PIEZO1: variants seen among roughly 807,000 people sequenced by gnomAD.
PIEZO1 encodes piezo-type mechanosensitive ion channel component 1.
Under a neutral mutation model 297.2 loss-of-function variants are expected in PIEZO1, and 296 were observed. The ratio of observed to expected loss-of-function variants is 1.00; its 90% confidence interval spans 0.91 to 1.10. PIEZO1 has a LOEUF of 1.10. PIEZO1 is among the 50% of genes least tolerant of loss of function. The pLI, the probability that PIEZO1 is intolerant of heterozygous loss-of-function variation, is 0.00. For missense variants in PIEZO1, 5,018 were observed against 3,455.5 expected, an observed-to-expected ratio of 1.45 and a Z score of -11.34; for synonymous variants, 2,427 against 1,507.5, an observed-to-expected ratio of 1.61 and a Z score of -14.13.
At chr16:88,717,788 A>G (rs1343541670) in intron 44 of PIEZO1, 1 of 451,182 alleles carries the variant, frequency 2.2e-6, no homozygotes, top group Non-Finnish European at 4.4e-6. Flanking sequence ...CTTCCAATTC[A>G]GTCATTTCTA....
chr16:88,716,590 TGTC>T lies in PIEZO1; in HGVS notation c.6892_6894del (p.Asp2298del). On this transcript the variant is annotated inframe_deletion, in exon 47 of 51. Transcript: ENST00000301015. ...AAGTTCCAGGTGAAGCGCAGGGTGATGTCGGCCGTGCCGTTGTAGAGCTCCCGC... is the reference window on the plus strand; with the variant it reads ...AAGTTCCAGGTGAAGCGCAGGGTGATGGCCGTGCCGTTGTAGAGCTCCCGC... 1 of 1,547,830 alleles carries T rather than the reference TGTC, an allele frequency of 6.5e-7. No individual in the cohort carries two copies. Among genetic ancestry groups the T allele is most frequent in the Non-Finnish European group, 8.7e-7 (1 of 1,145,444 alleles).
Position 88,726,547 on chromosome 16 carries a change from G to T in PIEZO1, c.3796C>A (p.Pro1266Thr), listed in dbSNP as rs533490181. The change falls in exon 26 of 51, where the codon CCC becomes ACC. Residue 1266 changes from proline to threonine, a missense_variant and splice_region_variant. Transcript: ENST00000301015. ...LVCTVKGYYD[P>T]KEMMDRDQDC... is the part of the protein sequence containing the mutation. The stretch of plus-strand genomic sequence containing the variant: ...CCCCGCCACCGTCCTGGCCACTCAC[G>T]GTCATAGTAGCCCTTGACGGTGCAT... 2.5e-5 allele frequency: 39 copies of T among 1,549,160 alleles called. No homozygotes were observed. The Middle Eastern group carries it at 1.0e-3, about 40-fold the overall frequency.
chr16:88,723,017 A>C lies in PIEZO1; in HGVS notation c.4496-8T>G, dbSNP rs1276959926. On this transcript the variant is annotated splice_polypyrimidine_tract_variant and splice_region_variant and intron_variant, in intron 33 of 50. Coordinates refer to ENST00000301015, the MANE Select transcript of PIEZO1 (RefSeq NM_001142864.4). ...GCACCACATGGCTCCGGCCTGCGGG[A>C]GGGCGGGAGGGGGCGCTGGAGGGGC... The C allele has an allele frequency of 8.9e-5, 74 of 835,486 alleles. No individual in the cohort carries two copies. Among genetic ancestry groups the C allele is most frequent in the Non-Finnish European group, 1.2e-4 (69 of 563,336 alleles). 51.8% of individuals were successfully genotyped at this position (835,486 alleles called of 1,614,324 possible).
chr16:88,726,078 G>A, intron 27 of PIEZO1: 1 of 591,758 alleles, frequency 1.7e-6, no homozygotes, highest in East Asian at 2.8e-5. Context: ...TGCAGCCTGT[G>A]GTCTCTGACA....
chr16:88,720,716 C>A lies in PIEZO1; in HGVS notation c.5701G>T (p.Glu1901Ter). ...CTCCCCGTGGGGGCCTCTTTCTCTT[C>A]CTCCCCCTCTTCTTCCTCCCTGTCC... ...AEDREEEEGE[E>*]EKEAPTGREK... The change falls in exon 40 of 51, where the codon GAA becomes TAA. Residue 1901 changes from glutamate to a stop codon, truncating the protein, a stop_gained. Coordinates refer to ENST00000301015, the MANE Select transcript of PIEZO1 (RefSeq NM_001142864.4). LOFTEE classifies it high-confidence loss of function. The A allele has an allele frequency of 6.5e-7, 1 of 1,529,586 alleles. No individual in the cohort carries two copies. The allele number at this position is 1,529,586 out of a possible 1,614,324, so 94.8% of individuals were successfully genotyped here. A position where few individuals can be genotyped will look rare whatever the true frequency, so the allele number is the denominator to read the frequency against.
chr16:88,734,959 G>A lies in PIEZO1; in HGVS notation c.1764C>T (p.Phe588=), dbSNP rs963786249. 1.3e-6 allele frequency: 2 copies of A among 1,550,504 alleles called. No homozygotes were observed. Among genetic ancestry groups the A allele is most frequent in the African/African-American group, 1.4e-5 (1 of 73,190 alleles). ...GGCGGCCGGCGAAGCTGACCACGAT[G>A]AACATGCCAGCACACACATAGATCC... The part of the protein sequence containing the change: ...KYWIYVCAGM[F]IVVSFAGRLV... Residue 588 remains phenylalanine (F), a synonymous_variant, in exon 14 of 51, where the codon TTC becomes TTT. Coordinates refer to ENST00000301015, the MANE Select transcript of PIEZO1 (RefSeq NM_001142864.4).
At position 88,717,179 on chromosome 16, in the gene PIEZO1, C is replaced by T; in HGVS notation, c.6504G>A (p.Lys2168=). 2 of 1,550,354 alleles carry T rather than the reference C, an allele frequency of 1.3e-6. No homozygotes were observed. Among genetic ancestry groups the T allele is most frequent in the African/African-American group, 1.4e-5 (1 of 73,200 alleles). ...KYPQPKGQKK[K]KIVKYGMGGL... ...CACCCATGCCGTACTTGACGATCTT[C>T]TTCTTCTTCTGCCCTTTGGGCTGCG... Residue 2168 remains lysine, a synonymous_variant, in exon 45 of 51, where the codon AAG becomes AAA. Coordinates refer to ENST00000301015, the MANE Select transcript of PIEZO1 (RefSeq NM_001142864.4).
At chr16:88,725,917 A>G (rs1302736000) in intron 27 of PIEZO1, 22 of 572,850 alleles carry the variant, frequency 3.8e-5, no homozygotes, top group Non-Finnish European at 6.2e-5. Flanking sequence ...CCACCCCACC[A>G]CAGCTGCAGG....
Position 88,742,315 on chromosome 16 carries a change from GCTGGTCC to G in PIEZO1, c.261_267del (p.Asp88SerfsTer16). ...AGCGACTCACAGCTGGGTCCCAGGA[GCTGGTCC>G]AGGCGGGGCACAATATGCAGGCAGA... On this transcript the variant is annotated frameshift_variant, in exon 3 of 51. Coordinates refer to ENST00000301015, the MANE Select transcript of PIEZO1 (RefSeq NM_001142864.4). LOFTEE classifies it high-confidence loss of function. 6.5e-7 allele frequency: 1 copy of G among 1,534,016 alleles called. No individual in the cohort carries two copies. Among genetic ancestry groups the G allele is most frequent in the Non-Finnish European group, 8.7e-7 (1 of 1,145,862 alleles).
At chr16:88,749,070 T>C (rs1398411834) in intron 2 of PIEZO1, among the ~76,000 whole-genome samples, 1 of 150,026 alleles carries the variant, frequency 6.7e-6, no homozygotes, top group Non-Finnish European at 1.5e-5. Flanking sequence ...ACCCCGTCTC[T>C]ACTAAAAATA....
At position 88,732,469 on chromosome 16, in the gene PIEZO1, G is replaced by T. The variant is rs774602954; in HGVS notation, c.2857C>A (p.Arg953Ser). Residue 953 changes from arginine to serine, a missense_variant, in exon 21 of 51, where the codon CGC becomes AGC. Coordinates refer to ENST00000301015, the MANE Select transcript of PIEZO1 (RefSeq NM_001142864.4). ...AIVYRRQEHY[R>S]RQHQLAPLPA... ...AGCGGGGCCAGCTGGTGCTGCCGGC[G>T]GTAGTGCTCCTGGCGCCGGTACACG... The T allele has an allele frequency of 3.2e-6, 5 of 1,549,370 alleles. No individual in the cohort carries two copies. The highest frequency in any genetic ancestry group is 3.5e-6 in the Non-Finnish European group (4 of 1,146,304).
chr16:88,748,530 C>G (rs1297877682), intron 2 of PIEZO1, among the ~76,000 whole-genome samples: 2 of 150,634 alleles, frequency 1.3e-5, no homozygotes. Context: ...CAACTGAGGT[C>G]CAACCCCACA....
intron 1 of PIEZO1, among the ~76,000 whole-genome samples, chr16:88,779,761 G>T (rs903882722): frequency 1.6e-4 from 25 of 152,222 alleles, no homozygotes; most frequent in African/African-American, 5.8e-4. Flanking sequence ...GTGTGCTCCG[G>T]GACCAGGCGG....
At chr16:88,782,718 G>C (rs909737558) in intron 1 of PIEZO1, among the ~76,000 whole-genome samples, 1 of 152,324 alleles carries the variant, frequency 6.6e-6, no homozygotes, top group African/African-American at 2.4e-5. Context: ...GAGAGGGAGG[G>C]GGCACTCCAA....
At position 88,722,591 on chromosome 16, in the gene PIEZO1, G is replaced by A. The variant is rs772659837; in HGVS notation, c.4767C>T (p.Thr1589=). ...GTCACCCCCGCACCTACCTGGACAC[G>A]GTGCTTGGGGCATTGGGGGCCTCGG... is the stretch of plus-strand genomic sequence containing the variant. ...GPTEAPNAPS[T]VSSGLGAEEP... The change falls in exon 35 of 51, where the codon ACC becomes ACT. Residue 1589 remains threonine (T), a synonymous_variant. Coordinates refer to ENST00000301015, the MANE Select transcript of PIEZO1 (RefSeq NM_001142864.4). 3.2e-5 allele frequency: 49 copies of A among 1,531,706 alleles called. No individual in the cohort carries two copies. The highest frequency in any genetic ancestry group is 5.5e-5 in the African/African-American group (4 of 72,690). The allele number at this position is 1,531,706 out of a possible 1,614,324, so 94.9% of individuals were successfully genotyped here.
chr16:88,749,580 C>G (rs988550735), intron 1 of PIEZO1, 101 bp from the exon 2 acceptor site: 6 of 896,728 alleles, frequency 6.7e-6, no homozygotes, highest in Admixed American at 2.7e-5. Flanking sequence ...CCGCCGAGGC[C>G]GTGTGCCCTG....
intron 1 of PIEZO1, among the ~76,000 whole-genome samples, chr16:88,758,934 C>T (rs1377867222): frequency 6.6e-6 from 1 of 152,234 alleles, no homozygotes; most frequent in Non-Finnish European, 1.5e-5. Context: ...TTGTGTAAAA[C>T]TGAAATTCCA....
In PIEZO1 at chr16:88,727,063, G is replaced by A. The variant is rs2142787830; in HGVS notation, c.3431C>T (p.Pro1144Leu). The change falls in exon 24 of 51, where the codon CCC becomes CTC. Residue 1144 changes from proline (P) to leucine (L), a missense_variant. Coordinates refer to ENST00000301015, the MANE Select transcript of PIEZO1 (RefSeq NM_001142864.4). Reference protein sequence around the residue: ...RLEPLRGEPNPVPNFIHCRSY... With the variant: ...RLEPLRGEPNLVPNFIHCRSY... ...CCTGCAGTGGATAAAGTTGGGCACG[G>A]GGTTGGGCTCCCCCCGCAGCGGCTC... The A allele has an allele frequency of 5.2e-6, 8 of 1,549,430 alleles. No homozygotes were observed. In the East Asian group the frequency reaches 1.5e-4, roughly 28 times the overall value.
rs747164577 is a variant in PIEZO1, at chr16:88,735,115, G to A, written c.1669+20C>T. 63 of 1,549,050 alleles carry A rather than the reference G, an allele frequency of 4.1e-5. No individual in the cohort carries two copies. The East Asian group carries it at 1.1e-3, about 26-fold the overall frequency. On this transcript the variant is annotated intron_variant, in intron 13 of 50. Transcript: ENST00000301015. ...GCGGGCAGGCAGGAGGGCAACCCCCGCCTCTGGCCCACCACTCACCTGTGT... is the reference window on the plus strand; with the variant it reads ...GCGGGCAGGCAGGAGGGCAACCCCCACCTCTGGCCCACCACTCACCTGTGT...
Sources: allele counts gnomAD v4.1 joint callset (sites outside exome capture counted in the v4.1 genomes callset), GRCh38; gene constraint gnomAD v4.1.1; transcripts MANE v1.5; gene names NCBI Gene and HGNC (gene_info 2026-07-23, HGNC 2026-07-21).